Variants in PCDHGA1 observed in about 807,000 individuals in gnomAD.
PCDHGA1 encodes protocadherin gamma-A1.
Under a neutral mutation model 58.0 loss-of-function variants are expected in PCDHGA1, and 32 were observed. That is an observed-to-expected ratio of 0.55 (90% CI 0.42 to 0.74). PCDHGA1 has a LOEUF of 0.74. PCDHGA1 is among the 30% of genes least tolerant of loss of function. The pLI is 0.00. For missense variants in PCDHGA1, 1,205 were observed against 1,182.3 expected, an observed-to-expected ratio of 1.02 and a Z score of -0.28; for synonymous variants, 498 against 501.1, an observed-to-expected ratio of 0.99 and a Z score of 0.08.
chr5:141,362,771 G>A (rs1239836690), intron 1 of PCDHGA1: 4 of 615,552 alleles, frequency 6.5e-6, no homozygotes, highest in African/African-American at 1.9e-5. Context: ...ATGAGATATT[G>A]CACTGTATTT....
In PCDHGA1 at chr5:141,422,843, G is replaced by C. The variant is rs778670588; in HGVS notation, c.2422-71964G>C. 1.9e-6 allele frequency: 3 copies of C among 1,614,234 alleles called. No homozygotes were observed. In the East Asian group the frequency reaches 6.7e-5, roughly 36 times the overall value. ...CTGAGAGTGATAGCACGTGACAGCG[G>C]GGACCCGCCCCTCAGCAGCAACGTG... is the stretch of plus-strand genomic sequence containing the variant. On this transcript the variant is annotated intron_variant, in intron 1 of 3. Coordinates refer to ENST00000517417, the MANE Select transcript of PCDHGA1 (RefSeq NM_018912.3).
rs2098293800 is a variant in PCDHGA1 at position 141,442,043 on chromosome 5, A to G, written c.2422-52764A>G. The G allele has an allele frequency of 1.9e-5, 4 of 205,506 alleles. No homozygotes were observed. In the South Asian group the frequency reaches 2.4e-4, roughly 12 times the overall value. The allele number at this position is 205,506 out of a possible 1,614,324, so 12.7% of individuals were successfully genotyped here. A position where few individuals can be genotyped will look rare whatever the true frequency, so the allele number is the denominator to read the frequency against. On this transcript the variant is annotated intron_variant, in intron 1 of 3. Transcript: ENST00000517417. ...ACAGGAAAGCGACTCGCCAGCGCCTACTGGTCGCGGTGCACTGCGGTGGAC... is the reference window on the plus strand; with the variant it reads ...ACAGGAAAGCGACTCGCCAGCGCCTGCTGGTCGCGGTGCACTGCGGTGGAC...
rs769607720 is a variant in PCDHGA1 at position 141,489,346 on chromosome 5, G to A, written c.2422-5461G>A. 4 of 1,611,652 alleles carry A rather than the reference G, an allele frequency of 2.5e-6. No individual in the cohort carries two copies. The highest frequency in any genetic ancestry group is 3.4e-6 in the Non-Finnish European group (4 of 1,178,446). On this transcript the variant is annotated intron_variant, in intron 1 of 3. Transcript: ENST00000517417. The surrounding 1 kb of genome is among the most constrained non-coding windows in gnomAD (Gnocchi z 4.5). Reference sequence around the variant, plus strand: ...GTCTGGGCAGCTTCGTTACTCAGTGGTGGAGGAGTCTGAGCCGGGGACGCT... The same window carrying A: ...GTCTGGGCAGCTTCGTTACTCAGTGATGGAGGAGTCTGAGCCGGGGACGCT...
intron 2 of PCDHGA1, among the ~76,000 whole-genome samples, chr5:141,499,102 C>T (rs1172661012): frequency 1.3e-5 from 2 of 152,170 alleles, no homozygotes; most frequent in Admixed American, 6.5e-5. Context: ...TGCTTCTCCT[C>T]CCCACCACTA....
chr5:141,473,879 C>G (rs937312573), intron 1 of PCDHGA1, among the ~76,000 whole-genome samples: 2 of 152,120 alleles, frequency 1.3e-5, no homozygotes, highest in Admixed American at 1.3e-4. Context: ...AATGCATACA[C>G]AAGGGTTCTG....
intron 1 of PCDHGA1, chr5:141,340,953 C>T: frequency 1.2e-6 from 2 of 1,612,208 alleles, no homozygotes; most frequent in Non-Finnish European, 1.7e-6. Flanking sequence ...GTCACGCTCA[C>T]CGTGGCCGTG....
At chr5:141,370,407 T>G in intron 1 of PCDHGA1, 1 of 1,561,028 alleles carries the variant, frequency 6.4e-7, no homozygotes, top group African/African-American at 1.4e-5. Flanking sequence ...GGGAAATAGC[T>G]CCGGATGGAG....
intron 1 of PCDHGA1, chr5:141,385,373 T>A (rs754384717): frequency 6.5e-7 from 1 of 1,529,238 alleles, no homozygotes; most frequent in African/African-American, 1.4e-5. Context: ...TTGCATGATA[T>A]TTCTCTATTA....
intron 1 of PCDHGA1, chr5:141,416,047 A>T (rs2095986655): frequency 1.6e-5 from 3 of 187,858 alleles, no homozygotes; most frequent in Non-Finnish European, 3.2e-5. Context: ...TGGAAACACA[A>T]CCCAAATCCA....
At chr5:141,369,716 T>C (rs1229829600) in intron 1 of PCDHGA1, among the ~76,000 whole-genome samples, 1 of 152,218 alleles carries the variant, frequency 6.6e-6, no homozygotes, top group Non-Finnish European at 1.5e-5. Flanking sequence ...TTATAACTTT[T>C]AGAAGTTAGA....
At chr5:141,474,803 T>C (rs1383027398) in intron 1 of PCDHGA1, among the ~76,000 whole-genome samples, 1 of 152,250 alleles carries the variant, frequency 6.6e-6, no homozygotes, top group Non-Finnish European at 1.5e-5. Context: ...ATGGAGTGGT[T>C]TGCATCATTA....
intron 1 of PCDHGA1, chr5:141,441,480 T>A (rs1679700290): frequency 5.9e-6 from 1 of 170,298 alleles, no homozygotes. Flanking sequence ...CCAACGACAA[T>A]GCTCTGGTTT....
intron 1 of PCDHGA1, chr5:141,375,643 C>A (rs1443985601): frequency 6.2e-7 from 1 of 1,614,210 alleles, no homozygotes; most frequent in Non-Finnish European, 8.5e-7. Context: ...TGCGCTCCTT[C>A]GACTATGAGC....
intron 1 of PCDHGA1, chr5:141,409,530 C>G: frequency 6.2e-7 from 1 of 1,613,994 alleles, no homozygotes. Flanking sequence ...TTGTATGTCG[C>G]TGACATCAAC....
intron 1 of PCDHGA1, chr5:141,403,467 T>G: frequency 6.2e-7 from 1 of 1,614,020 alleles, no homozygotes; most frequent in Non-Finnish European, 8.5e-7. Context: ...AGCTACCAGC[T>G]CAGCCCCAAT....
intron 1 of PCDHGA1, among the ~76,000 whole-genome samples, chr5:141,348,196 T>C (rs1439946678): frequency 2.6e-5 from 4 of 152,250 alleles, no homozygotes; most frequent in Non-Finnish European, 5.9e-5. Flanking sequence ...AACAAAAGAA[T>C]AGATTCCTCC....
intron 1 of PCDHGA1, among the ~76,000 whole-genome samples, chr5:141,348,229 C>T (rs1420198738): frequency 6.6e-6 from 1 of 152,142 alleles, no homozygotes; most frequent in East Asian, 1.9e-4. Flanking sequence ...GGAAAAGGCA[C>T]ATTTAAATGT....
intron 1 of PCDHGA1, chr5:141,392,643 AAGAC>A: frequency 1.5e-6 from 1 of 663,020 alleles, no homozygotes; most frequent in Middle Eastern, 4.0e-4. Context: ...ACACCTCACG[AAGAC>A]CCGCAGATGC....
chr5:141,414,280 G>C, intron 1 of PCDHGA1: 5 of 1,613,604 alleles, frequency 3.1e-6, no homozygotes, highest in Non-Finnish European at 4.2e-6. Context: ...TCTGGGAACA[G>C]TCGTAGCCCT....
Sources: allele counts gnomAD v4.1 joint callset (sites outside exome capture counted in the v4.1 genomes callset), GRCh38; gene constraint gnomAD v4.1.1; non-coding constraint Gnocchi (gnomAD v3.1); transcripts MANE v1.5; gene names NCBI Gene and HGNC (gene_info 2026-07-23, HGNC 2026-07-21).